DGKI: variants seen among roughly 807,000 people sequenced by gnomAD.
The protein encoded by DGKI is DAG kinase iota.
A neutral mutation model predicts 147.5 loss-of-function variants in DGKI; 55 were observed. The ratio of observed to expected loss-of-function variants is 0.37; its 90% CI spans 0.30 to 0.47. The LOEUF (loss-of-function observed/expected upper bound fraction) is 0.47, where lower values mean the gene tolerates loss of function less well. DGKI is among the 20% of genes least tolerant of loss of function. The pLI is 1.00. For synonymous variants in DGKI, 469 were observed against 477.1 expected, an observed-to-expected ratio of 0.98 and a Z score of 0.22; for missense variants, 1,007 against 1,323.8, an observed-to-expected ratio of 0.76 and a Z score of 3.71.
intron 20 of DGKI, among the ~76,000 whole-genome samples, chr7:137,528,876 G>A (rs1318191299): frequency 6.6e-6 from 1 of 152,106 alleles, no homozygotes; most frequent in Non-Finnish European, 1.5e-5. Context: ...CCTCTCTGCA[G>A]TCTCTATTTA....
intron 20 of DGKI, among the ~76,000 whole-genome samples, chr7:137,523,434 TTCTCTC>T (rs372390366): frequency 6.7e-6 from 1 of 150,074 alleles, no homozygotes; most frequent in African/African-American, 2.4e-5. Context: ...CTCTCTCTCT[TTCTCTC>T]TCTCTCTCTC....
rs71533759 is a variant in DGKI at position 137,588,475 on chromosome 7, C to CTTTTTTTTT, written c.1312-1274_1312-1266dup. Among the ~76,000 whole-genome samples, 885 of 116,618 alleles carry CTTTTTTTTT rather than the reference C, an allele frequency of 7.6e-3. 79 individuals carry two copies. The highest frequency in any genetic ancestry group is 0.031 in the African/African-American group (845 of 27,404). The allele number at this position is 116,618 out of a possible 152,430, so 76.5% of individuals were successfully genotyped here. A position where few individuals can be genotyped will look rare whatever the true frequency, so the allele number is the denominator to read the frequency against. The stretch of plus-strand genomic sequence containing the variant: ...TAACACAAAGATGGACATACCGATG[C>CTTTTTTTTT]TTTTTTTTTTTTTTTTTTTGAGATG... On this transcript the variant is annotated intron_variant, in intron 12 of 32. Transcript: ENST00000614521.
chr7:137,782,737 C>G (rs1318328400), intron 1 of DGKI, among the ~76,000 whole-genome samples: 2 of 152,220 alleles, frequency 1.3e-5, no homozygotes. Context: ...ACAGAGTCCA[C>G]TTTACTCCCC....
At chr7:137,603,474 C>A (rs1234756808) in intron 10 of DGKI, among the ~76,000 whole-genome samples, 5 of 152,188 alleles carry the variant, frequency 3.3e-5, no homozygotes, top group African/African-American at 1.2e-4. Flanking sequence ...TTCAAACAAT[C>A]CAAATAGAAT....
rs1322557859 is a variant in DGKI at position 137,627,331 on chromosome 7, TG to T, written c.805-3778del. Among the ~76,000 whole-genome samples, 5 of 152,370 alleles carry T rather than the reference TG, an allele frequency of 3.3e-5. No homozygotes were observed. In the East Asian group the frequency reaches 9.6e-4, roughly 29 times the overall value. ...TGTGTGCACATGTATTATCTCTCAA[TG>T]GAACTGTAAGTTCTTTGAAGGCAGT... On this transcript the variant is annotated intron_variant, in intron 6 of 32. Coordinates refer to ENST00000614521, the MANE Select transcript of DGKI (RefSeq NM_001321708.2).
At chr7:137,722,047 G>C in intron 1 of DGKI, 1 of 1,594,684 alleles carries the variant, frequency 6.3e-7, no homozygotes, top group Non-Finnish European at 8.5e-7. Flanking sequence ...AGCCAAGAAG[G>C]CTGATGCTGG....
intron 19 of DGKI, among the ~76,000 whole-genome samples, chr7:137,555,086 T>C (rs937230259): frequency 3.3e-5 from 5 of 151,560 alleles, no homozygotes; most frequent in Admixed American, 2.0e-4. Flanking sequence ...CCGGCTAATT[T>C]TTTGTATTTT....
Position 137,387,677 on chromosome 7 carries a change from T to G in DGKI, c.*3543A>C, listed in dbSNP as rs1158319259. 1 of 152,266 alleles carries G rather than the reference T, an allele frequency of 6.6e-6. No homozygotes were observed. Among genetic ancestry groups the G allele is most frequent in the East Asian group, 1.9e-4 (1 of 5,182 alleles). The allele number at this position is 152,266 out of a possible 1,614,324, so 9.4% of individuals were successfully genotyped here. A position where few individuals can be genotyped will look rare whatever the true frequency, so the allele number is the denominator to read the frequency against. On this transcript the variant is annotated 3_prime_UTR_variant, in exon 33 of 33. Coordinates refer to ENST00000614521, the MANE Select transcript of DGKI (RefSeq NM_001321708.2). ...CATCAGTGTTAACCGTATTTATTTT[T>G]GGGAAGTGGGACACAACACCAGAAC...
chr7:137,688,793 TA>T (rs1213990788), intron 2 of DGKI, among the ~76,000 whole-genome samples: 2 of 152,314 alleles, frequency 1.3e-5, no homozygotes, highest in Non-Finnish European at 2.9e-5. Context: ...TGTCCTGGAA[TA>T]AAGAAGTAAA....
intron 23 of DGKI, among the ~76,000 whole-genome samples, chr7:137,474,860 G>A (rs1009973357): frequency 5.3e-5 from 8 of 152,118 alleles, no homozygotes; most frequent in South Asian, 4.1e-4. Context: ...CGCCCTACCC[G>A]CTACTCGCTG....
At position 137,677,598 on chromosome 7, in the gene DGKI, T is replaced by C. The variant is rs369822959; in HGVS notation, c.606+959A>G. Among the ~76,000 whole-genome samples the C allele has an allele frequency of 5.9e-5, 9 of 152,334 alleles. No individual in the cohort carries two copies. The East Asian group carries it at 1.7e-3, about 29-fold the overall frequency. Reference sequence around the variant, plus strand: ...TTAAAATCGTTGGGGGCTATACATATCCTTCTATAAGCTTTGATGGAAACT... The same window carrying C: ...TTAAAATCGTTGGGGGCTATACATACCCTTCTATAAGCTTTGATGGAAACT... On this transcript the variant is annotated intron_variant, in intron 3 of 32. Coordinates refer to ENST00000614521, the MANE Select transcript of DGKI (RefSeq NM_001321708.2).
chr7:137,420,396 A>G (rs570506576), intron 28 of DGKI, among the ~76,000 whole-genome samples: 2 of 152,330 alleles, frequency 1.3e-5, no homozygotes, highest in South Asian at 4.1e-4. Flanking sequence ...ATTTTTGAAA[A>G]GTACAAACTG....
intron 19 of DGKI, among the ~76,000 whole-genome samples, chr7:137,555,919 A>G (rs1162187115): frequency 6.6e-6 from 1 of 151,976 alleles, no homozygotes; most frequent in Admixed American, 6.6e-5. Context: ...GCAGTACAAG[A>G]AAACAAAAAA....
intron 6 of DGKI, among the ~76,000 whole-genome samples, chr7:137,642,880 A>G (rs1821680491): frequency 6.6e-6 from 1 of 151,108 alleles, no homozygotes; most frequent in Non-Finnish European, 1.5e-5. Context: ...AAGTTTTGCT[A>G]AGTGAAGCAA....
At chr7:137,655,728 T>C (rs917868477) in intron 4 of DGKI, among the ~76,000 whole-genome samples, 2 of 152,198 alleles carry the variant, frequency 1.3e-5, no homozygotes, top group Non-Finnish European at 2.9e-5. Flanking sequence ...TCAGTGAAAC[T>C]ACATGAATGT....
At chr7:137,685,146 A>C (rs1407738044) in intron 2 of DGKI, among the ~76,000 whole-genome samples, 1 of 152,164 alleles carries the variant, frequency 6.6e-6, no homozygotes, top group Non-Finnish European at 1.5e-5. Flanking sequence ...GTTTCTTAGC[A>C]TCGTCAACTA....
At chr7:137,444,247 G>A (rs566795988) in intron 27 of DGKI, 145 bp from the exon 28 acceptor site, 6 of 550,346 alleles carry the variant, frequency 1.1e-5, no homozygotes, top group African/African-American at 7.9e-5. Context: ...TTGATTGCAT[G>A]GTATATTTCA....
At chr7:137,465,730 G>C (rs1427186912) in intron 26 of DGKI, among the ~76,000 whole-genome samples, 178 bp downstream of exon 26, 1 of 152,142 alleles carries the variant, frequency 6.6e-6, no homozygotes, top group Non-Finnish European at 1.5e-5. Flanking sequence ...ATCTGGTTTT[G>C]TGTTTCTTCA....
chr7:137,481,080 A>G (rs1018046955), intron 23 of DGKI, among the ~76,000 whole-genome samples: 14 of 152,090 alleles, frequency 9.2e-5, no homozygotes, highest in Admixed American at 2.0e-4. Flanking sequence ...CTCAAGCTCT[A>G]CACTATTGAC....
Sources: allele counts gnomAD v4.1 joint callset (sites outside exome capture counted in the v4.1 genomes callset), GRCh38; gene constraint gnomAD v4.1.1; transcripts MANE v1.5; gene names NCBI Gene and HGNC (gene_info 2026-07-23, HGNC 2026-07-21).